The following WHRN variants were observed in gnomAD, a reference collection of about 807,000 sequenced individuals.
The protein encoded by WHRN is CASK-interacting protein CIP98.
WHRN carries 41 observed loss-of-function variants against 68.3 expected under a neutral mutation model. The ratio of observed to expected loss-of-function variants is 0.60; its 90% confidence interval spans 0.47 to 0.78. The LOEUF (loss-of-function observed/expected upper bound fraction) is 0.78, where lower values mean the gene tolerates loss of function less well. WHRN is among the 30% of genes least tolerant of loss of function. The pLI, the probability that WHRN is intolerant of heterozygous loss-of-function variation, is 0.00. For synonymous variants in WHRN, 560 were observed against 561.3 expected, an observed-to-expected ratio of 1.00 and a Z score of 0.03; for missense variants, 1,243 against 1,244.7, an observed-to-expected ratio of 1.00 and a Z score of 0.02.
At chr9:114,415,699 G>T (rs1160305561) in intron 7 of WHRN, among the ~76,000 whole-genome samples, 1 of 152,222 alleles carries the variant, frequency 6.6e-6, no homozygotes, top group Non-Finnish European at 1.5e-5. Context: ...CAAGAGCACA[G>T]GCTCAGCCCC....
At chr9:114,453,625 T>C (rs893506494) in intron 3 of WHRN, among the ~76,000 whole-genome samples, 16 of 152,100 alleles carry the variant, frequency 1.1e-4, no homozygotes, top group Middle Eastern at 6.8e-3. Context: ...ATTCTCTGCC[T>C]TTAAATTCCA....
intron 1 of WHRN, among the ~76,000 whole-genome samples, chr9:114,492,452 T>G (rs573233153): frequency 6.6e-6 from 1 of 152,316 alleles, no homozygotes; most frequent in East Asian, 1.9e-4. Flanking sequence ...AAAATCACAG[T>G]GTAGAAACAT....
At chr9:114,454,174 A>G (rs1320527264) in intron 3 of WHRN, among the ~76,000 whole-genome samples, 1 of 152,248 alleles carries the variant, frequency 6.6e-6, no homozygotes, top group African/African-American at 2.4e-5. Context: ...TTCATGGTGA[A>G]AAATTAATGC....
chr9:114,477,709 T>C (rs965026214), intron 2 of WHRN, among the ~76,000 whole-genome samples: 2 of 152,156 alleles, frequency 1.3e-5, no homozygotes, highest in African/African-American at 4.8e-5. Context: ...GGCTGCACCC[T>C]GAGATTCTCG....
At chr9:114,457,068 C>T (rs1470844876) in intron 3 of WHRN, among the ~76,000 whole-genome samples, 2 of 152,100 alleles carry the variant, frequency 1.3e-5, no homozygotes, top group Non-Finnish European at 1.5e-5. Flanking sequence ...TGAATACATA[C>T]AGATACGGGT....
At chr9:114,450,771 C>T (rs1286581141) in intron 3 of WHRN, among the ~76,000 whole-genome samples, 1 of 152,018 alleles carries the variant, frequency 6.6e-6, no homozygotes, top group Non-Finnish European at 1.5e-5. Flanking sequence ...ATGTCATCAC[C>T]GCCCCGGCAC....
intron 9 of WHRN, among the ~76,000 whole-genome samples, 156 bp downstream of exon 9, chr9:114,406,199 G>A (rs1028486011): frequency 1.5e-4 from 23 of 152,212 alleles, no homozygotes; most frequent in Admixed American, 4.6e-4. Flanking sequence ...TGGCAGAGCC[G>A]GGATTCAAAC....
intron 2 of WHRN, among the ~76,000 whole-genome samples, chr9:114,472,868 T>G (rs1841352646): frequency 1.3e-5 from 2 of 152,250 alleles, no homozygotes; most frequent in African/African-American, 4.8e-5. Context: ...CAGCCTCACA[T>G]GGCTGGCATG....
chr9:114,484,190 A>G (rs555378910), intron 1 of WHRN, among the ~76,000 whole-genome samples: 68 of 152,318 alleles, frequency 4.5e-4, no homozygotes, highest in African/African-American at 1.5e-3. Flanking sequence ...TTTTGACAGG[A>G]CTTGAAGGCC....
chr9:114,406,545 C>T lies in WHRN; in HGVS notation c.2046G>A (p.Arg682=). Residue 682 remains arginine, a synonymous_variant, in exon 9 of 12, where the codon CGG becomes CGA. Coordinates refer to ENST00000362057, the MANE Select transcript of WHRN (RefSeq NM_015404.4). ...TTTTCAGGTGCGGGGGTGACTGGAC[C>T]CGTGGGAAGGGGCCGATGGGGTGTT... ...VNQHPIGPFP[R]VQSPPHLKSP... The T allele has an allele frequency of 6.2e-7, 1 of 1,612,894 alleles. No homozygotes were observed. The highest frequency in any genetic ancestry group is 8.5e-7 in the Non-Finnish European group (1 of 1,179,258).
chr9:114,432,791 C>T (rs1158289854), intron 3 of WHRN, among the ~76,000 whole-genome samples: 2 of 152,218 alleles, frequency 1.3e-5, no homozygotes, highest in Non-Finnish European at 2.9e-5. Flanking sequence ...CATACAGTAA[C>T]TGCATGGGTC....
rs1844165427 is a variant in WHRN at position 114,504,043 on chromosome 9, C to T, written c.618+141G>A. On this transcript the variant is annotated intron_variant, in intron 1 of 11. Coordinates refer to ENST00000362057, the MANE Select transcript of WHRN (RefSeq NM_015404.4). ...TATTTGCTCTGTAAGCTATACATTC[C>T]TGTTTTAAAGTATTAAAAAAAAAAA... 2.2e-5 allele frequency: 28 copies of T among 1,268,866 alleles called. No homozygotes were observed. In the East Asian group the frequency reaches 7.1e-4, roughly 32 times the overall value. 78.6% of individuals were successfully genotyped at this position (1,268,866 alleles called of 1,614,324 possible).
chr9:114,496,627 C>G (rs1305798583), intron 1 of WHRN, among the ~76,000 whole-genome samples: 18 of 152,208 alleles, frequency 1.2e-4, no homozygotes, highest in Admixed American at 1.2e-3. Flanking sequence ...CATTACAATG[C>G]TTGCAGCAGG....
chr9:114,435,838 C>T (rs1054341080), intron 3 of WHRN, among the ~76,000 whole-genome samples: 6 of 152,180 alleles, frequency 3.9e-5, no homozygotes, highest in Non-Finnish European at 7.3e-5. Context: ...AAGGAATAAA[C>T]TTAACAAGAA....
At chr9:114,426,147 G>A (rs1836832154) in intron 4 of WHRN, 64 bp downstream of exon 4, 1 of 1,604,278 alleles carries the variant, frequency 6.2e-7, no homozygotes. Context: ...ATGGGAGGCA[G>A]CTATCACTGG....
Position 114,407,901 on chromosome 9 carries a change from G to A in WHRN, c.1698+46C>T, listed in dbSNP as rs772126879. On this transcript the variant is annotated intron_variant, in intron 8 of 11. Coordinates refer to ENST00000362057, the MANE Select transcript of WHRN (RefSeq NM_015404.4). ...GGAGAGGAGAGAGCCACCAGGACCT[G>A]AGCACACCAGGGAGAGCAGAACCAA... is the stretch of plus-strand genomic sequence containing the variant. The A allele has an allele frequency of 7.9e-6, 12 of 1,521,174 alleles. No individual in the cohort carries two copies. In the South Asian group the frequency reaches 9.4e-5, roughly 12 times the overall value. 94.2% of individuals were successfully genotyped at this position (1,521,174 alleles called of 1,614,324 possible).
chr9:114,451,193 A>G (rs1398742019), intron 3 of WHRN, among the ~76,000 whole-genome samples: 1 of 152,230 alleles, frequency 6.6e-6, no homozygotes, highest in Non-Finnish European at 1.5e-5. Flanking sequence ...GGTAAAATAG[A>G]AAGTCCTTTG....
At chr9:114,460,807 G>A (rs1454779618) in intron 3 of WHRN, among the ~76,000 whole-genome samples, 1 of 152,232 alleles carries the variant, frequency 6.6e-6, no homozygotes, top group Non-Finnish European at 1.5e-5. Context: ...CTCCAGGGAA[G>A]CTCTGCACAG....
intron 7 of WHRN, among the ~76,000 whole-genome samples, chr9:114,408,726 G>C (rs77651322): frequency 4.6e-5 from 7 of 152,328 alleles, no homozygotes; most frequent in South Asian, 2.1e-4. Flanking sequence ...TTAGCTTCGC[G>C]TGTCAACTTG....
Sources: allele counts gnomAD v4.1 joint callset (sites outside exome capture counted in the v4.1 genomes callset), GRCh38; gene constraint gnomAD v4.1.1; transcripts MANE v1.5; gene names NCBI Gene and HGNC (gene_info 2026-07-23, HGNC 2026-07-21).